The following SNED1 variants were observed in gnomAD, a reference collection of about 807,000 sequenced individuals.
SNED1 encodes the protein sushi, nidogen and EGF-like domain-containing protein 1.
A neutral mutation model predicts 166.7 loss-of-function variants in SNED1; 81 were observed. The ratio of observed to expected loss-of-function variants is 0.49; its 90% CI spans 0.41 to 0.58. The LOEUF is 0.58. Among genes scored for constraint, SNED1 ranks in the 20% least tolerant of loss-of-function variants. The pLI is 0.00. For synonymous variants in SNED1, 762 were observed against 822.0 expected (o/e 0.93, Z 1.25); for missense variants, 1,604 against 2,000.2 (o/e 0.80, Z 3.78).
Position 241,052,724 on chromosome 2 carries a change from T to C in SNED1, c.2083+256T>C, listed in dbSNP as rs185286303. The stretch of plus-strand genomic sequence containing the variant: ...GGGGGGTCAAGCAGGGTACATGGGA[T>C]ACCAGTGCCAGGCAGGTGAGAGGGC... On this transcript the variant is annotated intron_variant, in intron 15 of 31. Coordinates refer to ENST00000310397, the MANE Select transcript of SNED1 (RefSeq NM_001080437.3). 6.1e-3 allele frequency among the ~76,000 whole-genome samples: 324 copies of C among 52,744 alleles called. 44 individuals carry two copies. In the South Asian group the frequency reaches 0.092, roughly 15 times the overall value. 34.6% of individuals were successfully genotyped at this position (52,744 alleles called of 152,430 possible). A position where few individuals can be genotyped will look rare whatever the true frequency, so the allele number is the denominator to read the frequency against.
chr2:241,063,970 T>TC (rs1397724071), intron 18 of SNED1, 42 bp from the exon 19 acceptor site: 7 of 1,361,754 alleles, frequency 5.1e-6, no homozygotes, highest in East Asian at 5.1e-5. Context: ...TCCCCCAGAC[T>TC]CCCCCCTTGC....
chr2:240,998,678 C>A lies in SNED1; in HGVS notation c.-160C>A, dbSNP rs561513457. Among the ~76,000 whole-genome samples, 1 of 149,384 alleles carries A rather than the reference C, an allele frequency of 6.7e-6. No individual in the cohort carries two copies. Among genetic ancestry groups the A allele is most frequent in the East Asian group, 1.9e-4 (1 of 5,144 alleles). On this transcript the variant is annotated 5_prime_UTR_variant, in exon 1 of 32. Coordinates refer to ENST00000310397, the MANE Select transcript of SNED1 (RefSeq NM_001080437.3). ...GCGGAGCTGCGGCGAGAGCGCGGCCCGGCCGAACGGGCGCGGGACGCGGAG... is the reference window on the plus strand; with the variant it reads ...GCGGAGCTGCGGCGAGAGCGCGGCCAGGCCGAACGGGCGCGGGACGCGGAG...
rs1161403690 is a variant in SNED1, at chr2:241,063,478, C to T, written c.2372-109C>T. The T allele has an allele frequency of 1.0e-5, 8 of 769,216 alleles. No homozygotes were observed. The Admixed American group carries it at 1.6e-4, about 15-fold the overall frequency. 47.6% of individuals were successfully genotyped at this position (769,216 alleles called of 1,614,324 possible). ...AGCACATGTCCTGAGTAGTTGCTCC[C>T]AGCTGGGAAAGGGGTAACTGAAGCC... is the stretch of plus-strand genomic sequence containing the variant. On this transcript the variant is annotated intron_variant, in intron 17 of 31. Coordinates refer to ENST00000310397, the MANE Select transcript of SNED1 (RefSeq NM_001080437.3).
In SNED1 at chr2:241,012,993, G is replaced by A. The variant is rs529795672; in HGVS notation, c.213+13943G>A. Reference sequence around the variant, plus strand: ...TGGGACTACAGGTGCCCGCCACCACGCCCGCTAATTTTTTGTATTTTCAGT... The same window carrying A: ...TGGGACTACAGGTGCCCGCCACCACACCCGCTAATTTTTTGTATTTTCAGT... On this transcript the variant is annotated intron_variant, in intron 1 of 31. Coordinates refer to ENST00000310397, the MANE Select transcript of SNED1 (RefSeq NM_001080437.3). Among the ~76,000 whole-genome samples, 14 of 151,872 alleles carry A rather than the reference G, an allele frequency of 9.2e-5. No individual in the cohort carries two copies. The East Asian group carries it at 9.7e-4, about 11-fold the overall frequency.
intron 1 of SNED1, among the ~76,000 whole-genome samples, chr2:241,028,930 G>A (rs911412145): frequency 6.6e-6 from 1 of 152,042 alleles, no homozygotes; most frequent in Non-Finnish European, 1.5e-5. Context: ...CTGCGTATTT[G>A]TAAAATTATT....
chr2:241,065,522 C>G lies in SNED1; in HGVS notation c.2937C>G (p.Ser979=), dbSNP rs771010498. The change falls in exon 21 of 32, where the codon TCC becomes TCG. Residue 979 remains serine (S), a synonymous_variant. Transcript: ENST00000310397. ...CGGCCGGCAGGGCCTACAACATCTC[C>G]GTCTTCTCAGTGAAGCGAAACAGTA... is the stretch of plus-strand genomic sequence containing the variant. The part of the protein sequence containing the change: ...ALAAGRAYNI[S]VFSVKRNSNN... 1.9e-6 allele frequency: 3 copies of G among 1,612,874 alleles called. No individual in the cohort carries two copies. In the African/African-American group the frequency reaches 4.0e-5, roughly 22 times the overall value.
intron 16 of SNED1, among the ~76,000 whole-genome samples, chr2:241,056,747 A>AT (rs969479307): frequency 2.7e-5 from 4 of 150,526 alleles, no homozygotes; most frequent in South Asian, 2.1e-4. Context: ...CGCCCGGCTA[A>AT]TTTTTTTTTA....
At chr2:241,000,910 T>C (rs1290856297) in intron 1 of SNED1, among the ~76,000 whole-genome samples, 1 of 152,226 alleles carries the variant, frequency 6.6e-6, no homozygotes, top group African/African-American at 2.4e-5. Flanking sequence ...CTGAAGTAAC[T>C]GTGCGGACTC....
intron 26 of SNED1, chr2:241,072,916 C>G: frequency 3.1e-6 from 1 of 324,050 alleles, no homozygotes; most frequent in Non-Finnish European, 5.7e-6. Flanking sequence ...CTCCAAGAAG[C>G]AGGGGTGGAA....
rs1574816958 is a variant in SNED1 at position 240,998,892 on chromosome 2, G to A, written c.55G>A (p.Ala19Thr). 1.1e-5 allele frequency: 14 copies of A among 1,225,910 alleles called. No individual in the cohort carries two copies. The South Asian group carries it at 4.1e-4, about 36-fold the overall frequency. 75.9% of individuals were successfully genotyped at this position (1,225,910 alleles called of 1,614,324 possible). A position where few individuals can be genotyped will look rare whatever the true frequency, so the allele number is the denominator to read the frequency against. Residue 19 changes from alanine (A) to threonine (T), a missense_variant, in exon 1 of 32, where the codon GCG becomes ACG. This residue lies in a region of SNED1 where 1,237 missense variants were observed against 1,620.8 expected (regional missense o/e 0.76). Transcript: ENST00000310397. The stretch of plus-strand genomic sequence containing the variant: ...GGTGGCCGCGGCCCTGGGGCTTGGG[G>A]CGCGCGGGGTGCGCGGCGCGGTGGC... ...LLVAAALGLG[A>T]RGVRGAVALA...
At position 241,072,050 on chromosome 2, in the gene SNED1, A is replaced by G. The variant is rs780444899; in HGVS notation, c.3817+172A>G. ...GGCGCGGGGCTCGTGGGCCGCCGGCAGCATGCACCTCCATGGCAGGAGGGG... is the reference window on the plus strand; with the variant it reads ...GGCGCGGGGCTCGTGGGCCGCCGGCGGCATGCACCTCCATGGCAGGAGGGG... On this transcript the variant is annotated intron_variant, in intron 26 of 31. Transcript: ENST00000310397. 1.7e-5 allele frequency: 12 copies of G among 713,642 alleles called. No homozygotes were observed. In the East Asian group the frequency reaches 2.4e-4, roughly 14 times the overall value. The allele number at this position is 713,642 out of a possible 1,614,324, so 44.2% of individuals were successfully genotyped here. A position where few individuals can be genotyped will look rare whatever the true frequency, so the allele number is the denominator to read the frequency against.
At chr2:241,001,110 C>T (rs1420882622) in intron 1 of SNED1, among the ~76,000 whole-genome samples, 2 of 152,242 alleles carry the variant, frequency 1.3e-5, no homozygotes, top group Non-Finnish European at 2.9e-5. Flanking sequence ...CTATAGGGGC[C>T]TCGTGTCTGC....
At chr2:241,057,383 ATAT>A (rs2062084416) in intron 16 of SNED1, among the ~76,000 whole-genome samples, 1 of 39,512 alleles carries the variant, frequency 2.5e-5, no homozygotes, top group Non-Finnish European at 5.4e-5. Context: ...ATCTCAAAAT[ATAT>A]ATATATATAT....
At chr2:241,058,224 C>A (rs974394959) in intron 16 of SNED1, among the ~76,000 whole-genome samples, 5 of 152,044 alleles carry the variant, frequency 3.3e-5, no homozygotes, top group Non-Finnish European at 7.4e-5. Flanking sequence ...TAATTGGTTC[C>A]GTTCACGAAG....
intron 24 of SNED1, among the ~76,000 whole-genome samples, chr2:241,070,807 C>T (rs570105045): frequency 4.6e-5 from 7 of 152,302 alleles, no homozygotes; most frequent in African/African-American, 1.4e-4. Flanking sequence ...AATGCAGGAG[C>T]AGAACAGGGA....
At position 241,073,366 on chromosome 2, in the gene SNED1, T is replaced by A; in HGVS notation, c.3916+2T>A. 2 of 1,563,984 alleles carry A rather than the reference T, an allele frequency of 1.3e-6. No individual in the cohort carries two copies. Among genetic ancestry groups the A allele is most frequent in the Non-Finnish European group, 1.7e-6 (2 of 1,155,012 alleles). The stretch of plus-strand genomic sequence containing the variant: ...AACACGGCAGCAAGGACATCGGAAG[T>A]GAGTCAGCAGCGCTGGTGGGGACTT... On this transcript the variant is annotated splice_donor_variant, in intron 27 of 31. Transcript: ENST00000310397. LOFTEE classifies it high-confidence loss of function. This position sits in a 1 kb window ranked among gnomAD's most constrained non-coding sequence, Gnocchi z 6.6.
intron 31 of SNED1, chr2:241,090,568 G>A: frequency 1.7e-6 from 2 of 1,201,768 alleles, no homozygotes; most frequent in East Asian, 2.6e-5. Context: ...GGGCAGTGCA[G>A]TAGGTTTGTA....
At chr2:241,056,415 T>C (rs1400133455) in intron 16 of SNED1, among the ~76,000 whole-genome samples, 1 of 150,424 alleles carries the variant, frequency 6.6e-6, no homozygotes, top group Non-Finnish European at 1.5e-5. Flanking sequence ...TGTGCCCAGC[T>C]GAAATGAATA....
rs1018010280 is a variant in SNED1, at chr2:241,062,909, G to C, written c.2371+5G>C. 1.3e-6 allele frequency: 2 copies of C among 1,574,480 alleles called. No individual in the cohort carries two copies. Among genetic ancestry groups the C allele is most frequent in the African/African-American group, 2.7e-5 (2 of 74,280 alleles). ...AGGGCGCCCACTGTGAGCTGGGTAA[G>C]AGGGGCCCTGGCCCCGCTGGGGTGA... On this transcript the variant is annotated splice_donor_5th_base_variant and intron_variant, in intron 17 of 31. Coordinates refer to ENST00000310397, the MANE Select transcript of SNED1 (RefSeq NM_001080437.3).
Sources: gnomAD v4.1 joint callset for allele counts (sites outside exome capture counted in the v4.1 genomes callset) on GRCh38, gnomAD v4.1.1 for gene constraint, gnomAD v4.1.1 regional missense constraint, Gnocchi (gnomAD v3.1) non-coding constraint, MANE v1.5 for transcripts, NCBI Gene and HGNC (gene_info 2026-07-23, HGNC 2026-07-21) for gene names.